The following SNRPA variants were observed in gnomAD, a reference collection of about 807,000 sequenced individuals.
SNRPA encodes U1 small nuclear ribonucleoprotein A.
A neutral mutation model predicts 24.5 loss-of-function variants in SNRPA; 10 were observed. The ratio of observed to expected loss-of-function variants is 0.41; its 90% confidence interval spans 0.25 to 0.69. The LOEUF is 0.69. SNRPA is among the 30% of genes least tolerant of loss of function. The pLI, the probability that SNRPA is intolerant of heterozygous loss-of-function variation, is 0.33. For synonymous variants in SNRPA, 165 were observed against 148.4 expected (o/e 1.11, Z -0.81); for missense variants, 283 against 394.7 (o/e 0.72, Z 2.40).
chr19:40,754,127 G>A (rs548977058), intron 1 of SNRPA, among the ~76,000 whole-genome samples: 84 of 127,714 alleles, frequency 6.6e-4, no homozygotes, highest in African/African-American at 2.2e-3. Flanking sequence ...GAGATGAGAC[G>A]GAGTGTCGCT....
intron 1 of SNRPA, 91 bp downstream of exon 1, chr19:40,751,572 T>C: frequency 1.0e-6 from 1 of 978,276 alleles, no homozygotes; most frequent in Non-Finnish European, 1.7e-6. Flanking sequence ...TCTAAGTGTT[T>C]GTCCAGCCAA....
At chr19:40,752,798 C>T (rs868126405) in intron 1 of SNRPA, among the ~76,000 whole-genome samples, 12 of 152,142 alleles carry the variant, frequency 7.9e-5, no homozygotes, top group Middle Eastern at 6.8e-3. Flanking sequence ...GAAAGACTCT[C>T]TCACATTCTC....
chr19:40,762,707 A>T (rs939959814), intron 3 of SNRPA, among the ~76,000 whole-genome samples, 194 bp from the exon 4 acceptor site: 1 of 152,140 alleles, frequency 6.6e-6, no homozygotes, highest in Non-Finnish European at 1.5e-5. Context: ...CACAAATAGC[A>T]TTTAACTCTT....
At chr19:40,754,761 G>A (rs1399639730) in intron 1 of SNRPA, among the ~76,000 whole-genome samples, 3 of 152,176 alleles carry the variant, frequency 2.0e-5, no homozygotes, top group African/African-American at 7.2e-5. Flanking sequence ...CCCTGAGGGT[G>A]TTGGGGAGCC....
chr19:40,762,821 C>A (rs895257676), intron 3 of SNRPA, 80 bp from the exon 4 acceptor site: 1 of 1,457,908 alleles, frequency 6.9e-7, no homozygotes, highest in South Asian at 1.2e-5. Flanking sequence ...ACATCTCTCA[C>A]CCGCTAGGTT....
intron 5 of SNRPA, among the ~76,000 whole-genome samples, chr19:40,764,275 A>C (rs1178730792): frequency 3.3e-5 from 5 of 152,156 alleles, no homozygotes; most frequent in Non-Finnish European, 7.4e-5. Flanking sequence ...GGATGGCTAC[A>C]TGCAGCATCT....
chr19:40,753,718 G>T (rs2082895853), intron 1 of SNRPA, among the ~76,000 whole-genome samples: 1 of 151,732 alleles, frequency 6.6e-6, no homozygotes, highest in South Asian at 2.1e-4. Context: ...TTAGAGTGTG[G>T]TGCCCAACCA....
Position 40,759,499 on chromosome 19 carries a change from C to T in SNRPA, c.315C>T (p.Asp105=). ...AKMKGTFVER[D]RKREKRKPKS... The stretch of plus-strand genomic sequence containing the variant: ...TGAAAGGCACCTTCGTGGAGCGGGA[C>T]CGCAAGCGGGAGAAGAGGAAGCCCA... Residue 105 remains aspartate, a synonymous_variant, in exon 3 of 6, where the codon GAC becomes GAT. Coordinates refer to ENST00000243563, the MANE Select transcript of SNRPA (RefSeq NM_004596.5). The T allele has an allele frequency of 1.2e-6, 2 of 1,613,952 alleles. No individual in the cohort carries two copies. Among genetic ancestry groups the T allele is most frequent in the Non-Finnish European group, 1.7e-6 (2 of 1,179,984 alleles).
intron 5 of SNRPA, among the ~76,000 whole-genome samples, chr19:40,764,793 A>C (rs2082947390): frequency 1.3e-5 from 2 of 152,140 alleles, no homozygotes; most frequent in African/African-American, 4.8e-5. Context: ...TTGCAGTTGC[A>C]TGGGTGTTTG....
rs1236145160 is a variant in SNRPA, at chr19:40,765,274, C to T, written c.*107C>T. On this transcript the variant is annotated 3_prime_UTR_variant, in exon 6 of 6. Transcript: ENST00000243563. Reference sequence around the variant, plus strand: ...CCCCCCTTGGGGGCCTTCTTGGAGCCGTGTGTGAGTGAGTGGTCGCCACAC... The same window carrying T: ...CCCCCCTTGGGGGCCTTCTTGGAGCTGTGTGTGAGTGAGTGGTCGCCACAC... 7 of 653,260 alleles carry T rather than the reference C, an allele frequency of 1.1e-5. No individual in the cohort carries two copies. Among genetic ancestry groups the T allele is most frequent in the African/African-American group, 1.9e-5 (1 of 52,244 alleles). 40.5% of individuals were successfully genotyped at this position (653,260 alleles called of 1,614,324 possible). A position where few individuals can be genotyped will look rare whatever the true frequency, so the allele number is the denominator to read the frequency against.
Position 40,762,919 on chromosome 19 carries a change from C to G in SNRPA, c.445C>G (p.Gln149Glu). Residue 149 changes from glutamine (Q) to glutamate (E), a missense_variant, in exon 4 of 6, where the codon CAG becomes GAG. By Grantham distance (29) the Gln-to-Glu change is conservative (BLOSUM62 2). Around this residue, in one of 6 missense-constraint regions of SNRPA, gnomAD observed 167 missense variants for 174.3 expected, o/e 0.96. Transcript: ENST00000243563. ...TCCACAGGGCATGCCGCCGATGACT[C>G]AGGCGCCCCGCATTATGCACCACAT... is the stretch of plus-strand genomic sequence containing the variant. ...GPVPGMPPMT[Q>E]APRIMHHMPG... 3 of 1,613,792 alleles carry G rather than the reference C, an allele frequency of 1.9e-6. No homozygotes were observed. Among genetic ancestry groups the G allele is most frequent in the Non-Finnish European group, 2.5e-6 (3 of 1,179,952 alleles).
rs187608368 is a variant in SNRPA at position 40,752,963 on chromosome 19, A to C, written c.73+1482A>C. On this transcript the variant is annotated intron_variant, in intron 1 of 5. Coordinates refer to ENST00000243563, the MANE Select transcript of SNRPA (RefSeq NM_004596.5). ...TAACTGGCAGCTAGTAAAGGGCTGG[A>C]TAAATGTTAGCTCTTATCACTTCAA... Among the ~76,000 whole-genome samples, 32 of 152,284 alleles carry C rather than the reference A, an allele frequency of 2.1e-4. No homozygotes were observed. The East Asian group carries it at 5.8e-3, about 28-fold the overall frequency.
chr19:40,764,081 C>T (rs2082944488), intron 5 of SNRPA, among the ~76,000 whole-genome samples: 1 of 152,156 alleles, frequency 6.6e-6, no homozygotes, highest in African/African-American at 2.4e-5. Flanking sequence ...GATGGGGATG[C>T]GTGAAACTCT....
At chr19:40,754,718 T>C (rs373233441) in intron 1 of SNRPA, among the ~76,000 whole-genome samples, 8 of 152,282 alleles carry the variant, frequency 5.3e-5, no homozygotes, top group African/African-American at 1.9e-4. Flanking sequence ...AGCTGTGCAC[T>C]GGTGGCTCAT....
At chr19:40,757,267 C>T in intron 1 of SNRPA, 65 bp from the exon 2 acceptor site, 1 of 1,517,644 alleles carries the variant, frequency 6.6e-7, no homozygotes, top group East Asian at 2.3e-5. Context: ...GGCTGATGGT[C>T]TTCTATTTGG....
intron 1 of SNRPA, among the ~76,000 whole-genome samples, chr19:40,754,032 A>G (rs913284748): frequency 2.1e-5 from 3 of 145,602 alleles, no homozygotes; most frequent in African/African-American, 7.7e-5. Context: ...TGATTTCCTG[A>G]CCTCGTGATC....
chr19:40,759,477 A>G lies in SNRPA; in HGVS notation c.293A>G (p.Lys98Arg), dbSNP rs1435292510. The stretch of plus-strand genomic sequence containing the variant: ...GACTCAGATATCATTGCCAAGATGA[A>G]AGGCACCTTCGTGGAGCGGGACCGC... ...KTDSDIIAKM[K>R]GTFVERDRKR... The change falls in exon 3 of 6, where the codon AAA (lysine) becomes AGA (arginine). Residue 98 changes from lysine to arginine, a missense_variant. By Grantham distance (26) the Lys-to-Arg change is conservative. Transcript: ENST00000243563. 6.2e-7 allele frequency: 1 copy of G among 1,613,778 alleles called. No individual in the cohort carries two copies. Among genetic ancestry groups the G allele is most frequent in the Admixed American group, 1.7e-5 (1 of 59,924 alleles).
intron 3 of SNRPA, among the ~76,000 whole-genome samples, chr19:40,761,360 A>T (rs1475552907): frequency 2.0e-5 from 3 of 152,014 alleles, no homozygotes; most frequent in African/African-American, 7.2e-5. Flanking sequence ...GCCCTACCTC[A>T]TACTATATGC....
At chr19:40,760,250 C>T (rs2082925920) in intron 3 of SNRPA, among the ~76,000 whole-genome samples, 1 of 152,122 alleles carries the variant, frequency 6.6e-6, no homozygotes, top group East Asian at 1.9e-4. Context: ...CTCAAACTCA[C>T]TGTCTCAGCC....
Sources: gnomAD v4.1 joint callset for allele counts (sites outside exome capture counted in the v4.1 genomes callset) on GRCh38, gnomAD v4.1.1 for gene constraint, gnomAD v4.1.1 regional missense constraint, MANE v1.5 for transcripts, NCBI Gene and HGNC (gene_info 2026-07-23, HGNC 2026-07-21) for gene names.